The following MYO5B variants were observed in gnomAD, a reference collection of about 807,000 sequenced individuals.
MYO5B encodes the protein myosin VB.
A neutral mutation model predicts 229.3 loss-of-function variants in MYO5B; 143 were observed. The ratio of observed to expected loss-of-function variants is 0.62; its 90% confidence interval spans 0.54 to 0.72. The LOEUF is 0.72. MYO5B is among the 30% of genes least tolerant of loss of function. MYO5B has a pLI of 0.00. For synonymous variants in MYO5B, 918 were observed against 885.2 expected (o/e 1.04, Z -0.66); for missense variants, 2,321 against 2,331.0 (o/e 1.00, Z 0.09).
intron 22 of MYO5B, among the ~76,000 whole-genome samples, chr18:49,886,734 A>C (rs186236490): frequency 6.6e-6 from 1 of 152,270 alleles, no homozygotes; most frequent in African/African-American, 2.4e-5. Flanking sequence ...CCTGGTGTTG[A>C]GGGCAAGGTA....
At chr18:49,963,933 G>A (rs1273910840) in intron 10 of MYO5B, among the ~76,000 whole-genome samples, 3 of 152,176 alleles carry the variant, frequency 2.0e-5, no homozygotes, top group African/African-American at 7.2e-5. Context: ...AGAGGGGTGT[G>A]TTCCATCCAG....
intron 27 of MYO5B, among the ~76,000 whole-genome samples, chr18:49,864,639 C>T (rs537934850): frequency 8.9e-4 from 136 of 152,344 alleles, no homozygotes; most frequent in Non-Finnish European, 1.3e-3. Context: ...CAACAGTGTT[C>T]GTGTTGCTAA....
At chr18:49,924,773 C>T (rs970022334) in intron 17 of MYO5B, among the ~76,000 whole-genome samples, 2 of 152,218 alleles carry the variant, frequency 1.3e-5, no homozygotes, top group Non-Finnish European at 2.9e-5. Flanking sequence ...GGCTGGTAAT[C>T]TTAACCAGCT....
chr18:49,968,030 G>A (rs1207569315), intron 10 of MYO5B, among the ~76,000 whole-genome samples: 1 of 152,112 alleles, frequency 6.6e-6, no homozygotes, highest in Non-Finnish European at 1.5e-5. Context: ...ACTGTATGGC[G>A]ATCCTCTCCC....
chr18:50,150,266 T>C (rs1042383340), intron 1 of MYO5B, among the ~76,000 whole-genome samples: 5 of 144,584 alleles, frequency 3.5e-5, no homozygotes, highest in African/African-American at 1.3e-4. Flanking sequence ...ATTGTGGAAG[T>C]CAGTGTGGCG....
intron 27 of MYO5B, 151 bp from the exon 28 acceptor site, chr18:49,864,531 G>T: frequency 8.9e-7 from 1 of 1,120,304 alleles, no homozygotes; most frequent in Non-Finnish European, 1.3e-6. Context: ...CCATCAGCAA[G>T]CAGTCAAAGC....
At chr18:49,930,141 T>C (rs778199512) in intron 16 of MYO5B, among the ~76,000 whole-genome samples, 1 of 152,138 alleles carries the variant, frequency 6.6e-6, no homozygotes, top group Non-Finnish European at 1.5e-5. Flanking sequence ...CCCTCATCCA[T>C]ATAATGGGGG....
rs1368251760 is a variant in MYO5B, at chr18:50,149,264, G to A, written c.27+45503C>T. Among the ~76,000 whole-genome samples, 3 of 151,478 alleles carry A rather than the reference G, an allele frequency of 2.0e-5. No individual in the cohort carries two copies. In the South Asian group the frequency reaches 6.2e-4, roughly 32 times the overall value. ...CGTGAAAATGGCCATACTGCCCAAG[G>A]TAATTTACAGATTCAATGCCATCCC... On this transcript the variant is annotated intron_variant, in intron 1 of 39. Transcript: ENST00000285039.
intron 30 of MYO5B, 121 bp from the exon 31 acceptor site, chr18:49,853,768 C>T (rs2024229624): frequency 1.1e-6 from 1 of 886,420 alleles, no homozygotes; most frequent in Non-Finnish European, 1.8e-6. Flanking sequence ...TGCACATCCC[C>T]CAGAGGGATG....
Position 49,902,796 on chromosome 18 carries a change from T to A in MYO5B, c.2609A>T (p.His870Leu). 1 of 1,602,278 alleles carries A rather than the reference T, an allele frequency of 6.2e-7. No homozygotes were observed. Among genetic ancestry groups the A allele is most frequent in the Non-Finnish European group, 8.5e-7 (1 of 1,179,938 alleles). Residue 870 changes from histidine to leucine, a missense_variant, in exon 21 of 40, where the codon CAC becomes CTC. Physicochemically the swap from His to Leu is moderately conservative, Grantham distance 99. Around this residue, in one of 2 missense-constraint regions of MYO5B, gnomAD observed 2,113 missense variants for 2,044.7 expected, o/e 1.03. Coordinates refer to ENST00000285039, the MANE Select transcript of MYO5B (RefSeq NM_001080467.3). ...MEHKATTIQK[H>L]VRGWMARRHF... is the part of the protein sequence containing the mutation. The stretch of plus-strand genomic sequence containing the variant: ...CCTGCGTGCCATCCAGCCCCGCACG[T>A]GCTTCTGGATGGTGGTGGCCTTGTG...
At chr18:50,078,496 C>T (rs1327590041) in intron 1 of MYO5B, among the ~76,000 whole-genome samples, 4 of 152,066 alleles carry the variant, frequency 2.6e-5, no homozygotes, top group Non-Finnish European at 2.9e-5. Flanking sequence ...TGTAAAAGCC[C>T]TCAACTTTAG....
chr18:49,936,452 T>A, intron 15 of MYO5B, 103 bp from the exon 16 acceptor site: 1 of 856,350 alleles, frequency 1.2e-6, no homozygotes, highest in Non-Finnish European at 1.9e-6. Context: ...TACTATTATA[T>A]TATTAATCCA....
chr18:50,116,534 G>GA (rs957787831), intron 1 of MYO5B, among the ~76,000 whole-genome samples: 31 of 150,526 alleles, frequency 2.1e-4, no homozygotes, highest in Admixed American at 7.2e-4. Context: ...TCCAAAAAAA[G>GA]AAAAAAAAAC....
intron 16 of MYO5B, among the ~76,000 whole-genome samples, chr18:49,935,483 G>A (rs1029671269): frequency 6.6e-6 from 1 of 152,214 alleles, no homozygotes; most frequent in African/African-American, 2.4e-5. Context: ...TGAGATAACA[G>A]GAAATGTTAT....
At chr18:50,025,847 T>G (rs2026325133) in intron 4 of MYO5B, among the ~76,000 whole-genome samples, 1 of 152,186 alleles carries the variant, frequency 6.6e-6, no homozygotes, top group Non-Finnish European at 1.5e-5. Flanking sequence ...TATGTGGCTT[T>G]AGACACTTCC....
At chr18:49,967,056 T>C (rs564282213) in intron 10 of MYO5B, among the ~76,000 whole-genome samples, 1 of 152,350 alleles carries the variant, frequency 6.6e-6, no homozygotes, top group African/African-American at 2.4e-5. Context: ...ACTGAATTTC[T>C]CTTGTAAAAT....
intron 1 of MYO5B, among the ~76,000 whole-genome samples, chr18:50,174,962 G>A (rs34758803): frequency 0.19 from 29,592 of 152,126 alleles, 3,544 homozygotes; most frequent in Non-Finnish European, 0.27. Context: ...GGAGGAGTCT[G>A]AGGGCAGCCA....
intron 17 of MYO5B, among the ~76,000 whole-genome samples, chr18:49,919,857 T>C (rs944364424): frequency 1.3e-5 from 2 of 152,194 alleles, no homozygotes; most frequent in Admixed American, 6.5e-5. Context: ...CACAAAAACA[T>C]GTACACAAGT....
intron 1 of MYO5B, among the ~76,000 whole-genome samples, chr18:50,147,349 T>C (rs1014703686): frequency 6.6e-6 from 1 of 152,210 alleles, no homozygotes; most frequent in Non-Finnish European, 1.5e-5. Context: ...AGGTTTCTCC[T>C]CTAATCCCTG....
Sources: gnomAD v4.1 joint callset for allele counts (sites outside exome capture counted in the v4.1 genomes callset) on GRCh38, gnomAD v4.1.1 for gene constraint, gnomAD v4.1.1 regional missense constraint, MANE v1.5 for transcripts, NCBI Gene and HGNC (gene_info 2026-07-23, HGNC 2026-07-21) for gene names.